Variants in NIPSNAP2 observed in about 807,000 individuals in gnomAD.
NIPSNAP2 encodes protein NipSnap homolog 2.
NIPSNAP2 carries 42 observed loss-of-function variants against 48.4 expected under a neutral mutation model. The ratio of observed to expected loss-of-function variants is 0.87; its 90% confidence interval spans 0.68 to 1.12. NIPSNAP2 has a LOEUF of 1.12. Among genes scored for constraint, NIPSNAP2 ranks in the 50% most tolerant of loss-of-function variants. NIPSNAP2 has a pLI of 0.00. For synonymous variants in NIPSNAP2, 158 were observed against 126.6 expected, an observed-to-expected ratio of 1.25 and a Z score of -1.67; for missense variants, 314 against 347.3, an observed-to-expected ratio of 0.90 and a Z score of 0.76.
rs1451199983 is a variant in NIPSNAP2 at position 55,981,544 on chromosome 7, G to A, written c.350G>A (p.Trp117Ter). ...ACTTTGGTGGGGACTTGGAACACGT[G>A]GTATGGCGAGCAGGACCAAGCTGGT... ...PCTLVGTWNT[W>*]YGEQDQAVHL... Residue 117 changes from tryptophan (W) to a stop codon, truncating the protein, a stop_gained, in exon 4 of 10, where the codon TGG becomes TAG. Coordinates refer to ENST00000322090, the MANE Select transcript of NIPSNAP2 (RefSeq NM_001483.3). LOFTEE classifies it high-confidence loss of function. 1 of 1,613,764 alleles carries A rather than the reference G, an allele frequency of 6.2e-7. No individual in the cohort carries two copies. The highest frequency in any genetic ancestry group is 1.1e-5 in the South Asian group (1 of 91,050).
intron 1 of NIPSNAP2, among the ~76,000 whole-genome samples, chr7:55,971,974 GAC>G (rs997454283): frequency 3.3e-5 from 5 of 151,966 alleles, no homozygotes; most frequent in Non-Finnish European, 7.4e-5. Flanking sequence ...AAAAATTGTA[GAC>G]ACAATTTCTG....
chr7:55,990,206 C>T (rs982447475), intron 7 of NIPSNAP2, among the ~76,000 whole-genome samples: 4 of 150,712 alleles, frequency 2.7e-5, no homozygotes, highest in African/African-American at 9.7e-5. Flanking sequence ...TAACATATTT[C>T]TGTACCTTAA....
intron 3 of NIPSNAP2, 36 bp from the exon 4 acceptor site, chr7:55,981,437 G>T (rs1787214417): frequency 6.5e-7 from 1 of 1,538,240 alleles, no homozygotes; most frequent in African/African-American, 1.4e-5. Context: ...AATTTTGCTG[G>T]TTGTTTAATT....
chr7:55,999,162 C>A lies in NIPSNAP2; in HGVS notation c.*90C>A. On this transcript the variant is annotated 3_prime_UTR_variant, in exon 10 of 10. Coordinates refer to ENST00000322090, the MANE Select transcript of NIPSNAP2 (RefSeq NM_001483.3). ...AATTGTGTATCAAGTGAAAAAGAAA[C>A]ACTGAGGTTTTAAGCTGCTGTATAT... is the stretch of plus-strand genomic sequence containing the variant. The A allele has an allele frequency of 8.9e-7, 1 of 1,127,240 alleles. No homozygotes were observed. The highest frequency in any genetic ancestry group is 1.3e-6 in the Non-Finnish European group (1 of 751,152). 69.8% of individuals were successfully genotyped at this position (1,127,240 alleles called of 1,614,324 possible). A position where few individuals can be genotyped will look rare whatever the true frequency, so the allele number is the denominator to read the frequency against.
chr7:55,993,716 G>A lies in NIPSNAP2; in HGVS notation c.618-1178G>A, dbSNP rs527295866. ...GATCACGCCGCTGCACTCCAGCCTG[G>A]GAGACAGAGGAAGACTGTTTCAAAA... On this transcript the variant is annotated intron_variant, in intron 7 of 9. Transcript: ENST00000322090. Among the ~76,000 whole-genome samples the A allele has an allele frequency of 2.0e-5, 3 of 152,180 alleles. No homozygotes were observed. The South Asian group carries it at 6.2e-4, about 32-fold the overall frequency.
At chr7:55,991,612 G>A (rs1008937544) in intron 7 of NIPSNAP2, among the ~76,000 whole-genome samples, 2 of 151,764 alleles carry the variant, frequency 1.3e-5, no homozygotes, top group Non-Finnish European at 2.9e-5. Context: ...GCCAAGTGTG[G>A]TGGTGCATGC....
At position 55,983,866 on chromosome 7, in the gene NIPSNAP2, C is replaced by T. The variant is rs1380343655; in HGVS notation, c.583C>T (p.Arg195Ter). 19 of 1,612,138 alleles carry T rather than the reference C, an allele frequency of 1.2e-5. No individual in the cohort carries two copies. Among genetic ancestry groups the T allele is most frequent in the East Asian group, 2.2e-5 (1 of 44,848 alleles). ...ATATGAACTCAGGTCTTACCAACTC[C>T]GAGTAAGTACAGAAATATAAGTTAT... ...NIYELRSYQL[R>*]PGTMIEWGNY... The change falls in exon 6 of 10, where the codon CGA (arginine) becomes TGA (stop). Residue 195 changes from arginine (R) to a stop codon, truncating the protein, a stop_gained and splice_region_variant. Coordinates refer to ENST00000322090, the MANE Select transcript of NIPSNAP2 (RefSeq NM_001483.3). LOFTEE classifies it high-confidence loss of function.
intron 9 of NIPSNAP2, among the ~76,000 whole-genome samples, chr7:55,998,258 A>G (rs909171768): frequency 6.6e-6 from 1 of 152,104 alleles, no homozygotes; most frequent in Non-Finnish European, 1.5e-5. Context: ...CAAAAAAAAA[A>G]AAGTGTATCT....
rs76044047 is a variant in NIPSNAP2, at chr7:55,983,712, T to C, written c.445-16T>C. 1.8e-3 allele frequency: 2,841 copies of C among 1,610,994 alleles called. 51 individuals carry two copies. In the African/African-American group the frequency reaches 0.033, roughly 19 times the overall value. On this transcript the variant is annotated splice_polypyrimidine_tract_variant and intron_variant, in intron 5 of 9. Coordinates refer to ENST00000322090, the MANE Select transcript of NIPSNAP2 (RefSeq NM_001483.3). ...AGTATCAGAAGATTTCATGAGCACA[T>C]TTTTTTCACTCAAAGGAATTTTTGG...
At chr7:55,993,493 C>T (rs1239268849) in intron 7 of NIPSNAP2, among the ~76,000 whole-genome samples, 4 of 150,732 alleles carry the variant, frequency 2.7e-5, no homozygotes, top group Non-Finnish European at 5.9e-5. Context: ...GCAGGAAAAT[C>T]GCTTGAACCC....
intron 8 of NIPSNAP2, among the ~76,000 whole-genome samples, chr7:55,996,341 TG>T (rs1265772297): frequency 1.3e-5 from 2 of 151,652 alleles, no homozygotes; most frequent in Non-Finnish European, 2.9e-5. Context: ...ACCTGTGAAT[TG>T]TACCATGACA....
intron 1 of NIPSNAP2, among the ~76,000 whole-genome samples, chr7:55,965,554 TTTATTATTATTA>T (rs569764218): frequency 6.6e-6 from 1 of 151,906 alleles, no homozygotes; most frequent in African/African-American, 2.4e-5. Context: ...AGTAACATGG[TTTATTATTATTA>T]TTATTGTTGT....
At chr7:55,998,428 A>C (rs1199766742) in intron 9 of NIPSNAP2, among the ~76,000 whole-genome samples, 1 of 147,578 alleles carries the variant, frequency 6.8e-6, no homozygotes, top group African/African-American at 2.5e-5. Flanking sequence ...AGAAATCACC[A>C]TTTCTCCTCA....
At chr7:55,966,868 C>T (rs772758605) in intron 1 of NIPSNAP2, among the ~76,000 whole-genome samples, 2 of 152,156 alleles carry the variant, frequency 1.3e-5, no homozygotes, top group Non-Finnish European at 2.9e-5. Context: ...AAAGCAAGTC[C>T]TGGGATGTGC....
intron 1 of NIPSNAP2, among the ~76,000 whole-genome samples, chr7:55,972,785 A>G (rs1407400747): frequency 2.0e-5 from 3 of 152,114 alleles, no homozygotes; most frequent in East Asian, 1.9e-4. Flanking sequence ...ACTTCAAACT[A>G]ATTGACAAAA....
Position 55,999,145 on chromosome 7 carries a change from A to G in NIPSNAP2, c.*73A>G. ...TGTCGTAAATTAATTTTAATTGTGT[A>G]TCAAGTGAAAAAGAAACACTGAGGT... On this transcript the variant is annotated 3_prime_UTR_variant, in exon 10 of 10. Transcript: ENST00000322090. 1 of 1,300,006 alleles carries G rather than the reference A, an allele frequency of 7.7e-7. No homozygotes were observed. Among genetic ancestry groups the G allele is most frequent in the East Asian group, 2.3e-5 (1 of 43,270 alleles). The allele number at this position is 1,300,006 out of a possible 1,614,324, so 80.5% of individuals were successfully genotyped here.
chr7:55,973,944 G>A (rs1787059894), intron 1 of NIPSNAP2, among the ~76,000 whole-genome samples: 1 of 152,274 alleles, frequency 6.6e-6, no homozygotes, highest in Non-Finnish European at 1.5e-5. Flanking sequence ...AGCAAACTAG[G>A]CTGAGTGCGG....
chr7:55,976,403 T>C (rs1241279803), intron 1 of NIPSNAP2, among the ~76,000 whole-genome samples: 2 of 152,256 alleles, frequency 1.3e-5, no homozygotes, highest in East Asian at 3.8e-4. Flanking sequence ...TGAATATTTG[T>C]ATGCATTCAA....
chr7:55,975,217 G>A lies in NIPSNAP2; in HGVS notation c.93-2909G>A, dbSNP rs10244554. Reference sequence around the variant, plus strand: ...AAAATACAAAAATTAACCAGGCATGGTGGTGTGCATATGTTGTCCCAGCTA... The same window carrying A: ...AAAATACAAAAATTAACCAGGCATGATGGTGTGCATATGTTGTCCCAGCTA... On this transcript the variant is annotated intron_variant, in intron 1 of 9. Transcript: ENST00000322090. Among the ~76,000 whole-genome samples the A allele has an allele frequency of 8.7e-3, 1,325 of 152,234 alleles. 21 individuals are homozygous for A. Among genetic ancestry groups the A allele is most frequent in the African/African-American group, 0.03 (1,264 of 41,560 alleles).
Sources: allele counts gnomAD v4.1 joint callset (sites outside exome capture counted in the v4.1 genomes callset), GRCh38; gene constraint gnomAD v4.1.1; transcripts MANE v1.5; gene names NCBI Gene and HGNC (gene_info 2026-07-23, HGNC 2026-07-21).